The following RGS5 variants were observed in gnomAD, a reference collection of about 807,000 sequenced individuals.
RGS5 encodes regulator of G-protein signalling 5.
A neutral mutation model predicts 18.9 loss-of-function variants in RGS5; 20 were observed. The ratio of observed to expected loss-of-function variants is 1.06; its 90% CI spans 0.74 to 1.54. The LOEUF is 1.54. Among genes scored for constraint, RGS5 ranks in the 40% most tolerant of loss-of-function variants. RGS5 has a pLI of 0.00. For missense variants in RGS5, 201 were observed against 211.8 expected (o/e 0.95, Z 0.32); for synonymous variants, 57 against 76.2 (o/e 0.75, Z 1.31).
chr1:163,206,888 A>C (rs1356398395), upstream of RGS5: 2 of 152,228 alleles, frequency 1.3e-5, no homozygotes, highest in African/African-American at 4.8e-5. Flanking sequence ...ATTCATAAAA[A>C]GTATATAGTA....
At chr1:163,175,534 C>T (rs1337396850) in intron 1 of RGS5, among the ~76,000 whole-genome samples, 3 of 152,118 alleles carry the variant, frequency 2.0e-5, no homozygotes, top group Non-Finnish European at 4.4e-5. Context: ...TTGCCAGGAT[C>T]CTCAGCATGG....
At chr1:163,309,196 CAG>C (rs1649787242) in intron 1 of RGS5, among the ~76,000 whole-genome samples, 1 of 151,772 alleles carries the variant, frequency 6.6e-6, no homozygotes, top group African/African-American at 2.4e-5. Context: ...ACTTGGGTGA[CAG>C]AAAAAAAAGC....
chr1:163,235,272 A>C (rs1647593424), intron 2 of RGS5, among the ~76,000 whole-genome samples: 1 of 152,198 alleles, frequency 6.6e-6, no homozygotes, highest in Non-Finnish European at 1.5e-5. Context: ...TTTCTCAAGC[A>C]CATCTTCTCT....
chr1:163,182,334 G>A (rs1658885950), intron 1 of RGS5, among the ~76,000 whole-genome samples: 1 of 152,108 alleles, frequency 6.6e-6, no homozygotes, highest in Non-Finnish European at 1.5e-5. Flanking sequence ...AAGCAAGTGT[G>A]GAGACCTCCA....
chr1:163,314,126 T>C (rs1276133105), intron 1 of RGS5, among the ~76,000 whole-genome samples: 1 of 152,160 alleles, frequency 6.6e-6, no homozygotes, highest in African/African-American at 2.4e-5. Context: ...ATCTGGTACA[T>C]CTTCTGCAAA....
chr1:163,317,398 A>G (rs978852930), intron 1 of RGS5, among the ~76,000 whole-genome samples: 4 of 152,138 alleles, frequency 2.6e-5, no homozygotes, highest in Non-Finnish European at 2.9e-5. Flanking sequence ...TGCCCTCACA[A>G]TTCAGTCACC....
intron 1 of RGS5, among the ~76,000 whole-genome samples, chr1:163,215,282 C>T (rs998086926): frequency 1.3e-5 from 2 of 152,118 alleles, no homozygotes; most frequent in African/African-American, 4.8e-5. Context: ...TTCTGGAGCC[C>T]TGCTGCTTGG....
chr1:163,229,018 G>A (rs1390588442), intron 2 of RGS5, among the ~76,000 whole-genome samples: 2 of 152,126 alleles, frequency 1.3e-5, no homozygotes, highest in African/African-American at 4.8e-5. Context: ...GTCTTCTTCT[G>A]AGTCCTCCAA....
chr1:163,312,876 T>C (rs1048228169), intron 1 of RGS5, among the ~76,000 whole-genome samples: 24 of 152,216 alleles, frequency 1.6e-4, no homozygotes, highest in African/African-American at 5.8e-4. Context: ...ATGATGGCTA[T>C]TGTATTTGTA....
chr1:163,173,929 T>C (rs1333390553), intron 1 of RGS5, among the ~76,000 whole-genome samples: 1 of 151,900 alleles, frequency 6.6e-6, no homozygotes, highest in Non-Finnish European at 1.5e-5. Context: ...CAAAAAAAAT[T>C]AGCCAAGCGT....
intron 1 of RGS5, among the ~76,000 whole-genome samples, chr1:163,315,645 C>T (rs1571360080): frequency 6.6e-6 from 1 of 152,196 alleles, no homozygotes; most frequent in African/African-American, 2.4e-5. Flanking sequence ...ACTAAGAATT[C>T]CATGCGAGTC....
At chr1:163,179,743 T>G (rs945124733) in intron 1 of RGS5, among the ~76,000 whole-genome samples, 1 of 152,080 alleles carries the variant, frequency 6.6e-6, no homozygotes, top group African/African-American at 2.4e-5. Flanking sequence ...CTCTAATAGC[T>G]CCTCCAGCTA....
intron 1 of RGS5, among the ~76,000 whole-genome samples, chr1:163,309,321 G>A (rs1649790430): frequency 1.3e-5 from 2 of 152,180 alleles, no homozygotes; most frequent in South Asian, 4.1e-4. Context: ...TTTCTCTGTA[G>A]AATGTGATGG....
At chr1:163,313,997 ATATGTGTGTGTGTG>A (rs1177350107) in intron 1 of RGS5, among the ~76,000 whole-genome samples, 11,965 of 149,354 alleles carry the variant, frequency 0.08, 515 homozygotes, top group South Asian at 0.15. Flanking sequence ...AATAAGATAT[ATATGTGTGTGTGTG>A]TGTGTGTGTG....
At chr1:163,229,891 C>T (rs1236067583) in intron 2 of RGS5, among the ~76,000 whole-genome samples, 1 of 152,132 alleles carries the variant, frequency 6.6e-6, no homozygotes, top group East Asian at 1.9e-4. Context: ...TTTCTAGATT[C>T]CCAGCATCCT....
At chr1:163,278,642 A>T (rs1309012950) in intron 2 of RGS5, among the ~76,000 whole-genome samples, 1 of 152,136 alleles carries the variant, frequency 6.6e-6, no homozygotes. Context: ...GGAATAAGAA[A>T]TATATCAAAC....
At chr1:163,288,951 C>T (rs1312727711) in intron 2 of RGS5, among the ~76,000 whole-genome samples, 2 of 152,140 alleles carry the variant, frequency 1.3e-5, no homozygotes, top group East Asian at 3.9e-4. Flanking sequence ...TCTTCCCCTT[C>T]TTGGTATATG....
intron 1 of RGS5, among the ~76,000 whole-genome samples, chr1:163,196,060 T>C (rs1659553654): frequency 6.6e-6 from 1 of 152,134 alleles, no homozygotes; most frequent in Non-Finnish European, 1.5e-5. Flanking sequence ...CTGTGAACAT[T>C]TTCTTTCCTA....
intron 1 of RGS5, among the ~76,000 whole-genome samples, chr1:163,177,602 C>T (rs1287001822): frequency 1.3e-5 from 2 of 152,136 alleles, no homozygotes; most frequent in East Asian, 3.9e-4. Context: ...TGTGGAGGAC[C>T]ACATGAGGTC....
Sources: gnomAD v4.1 joint callset for allele counts (sites outside exome capture counted in the v4.1 genomes callset) on GRCh38, gnomAD v4.1.1 for gene constraint, MANE v1.5 for transcripts, NCBI Gene and HGNC (gene_info 2026-07-23, HGNC 2026-07-21) for gene names.